Variants in SNTG1 observed in about 807,000 individuals in gnomAD.
SNTG1 encodes gamma-1-syntrophin.
In SNTG1, 39 loss-of-function variants were observed where a neutral mutation model predicts 74.7. The ratio of observed to expected loss-of-function variants is 0.52; its 90% CI spans 0.40 to 0.68. The LOEUF (loss-of-function observed/expected upper bound fraction) is 0.68, where lower values mean the gene tolerates loss of function less well. SNTG1 is among the 30% of genes least tolerant of loss of function. The pLI, the probability that SNTG1 is intolerant of heterozygous loss-of-function variation, is 0.00. For synonymous variants in SNTG1, 254 were observed against 217.1 expected (o/e 1.17, Z -1.49); for missense variants, 685 against 609.5 (o/e 1.12, Z -1.30).
chr8:50,696,881 G>A (rs961359075), intron 15 of SNTG1, among the ~76,000 whole-genome samples: 1 of 151,942 alleles, frequency 6.6e-6, no homozygotes, highest in African/African-American at 2.4e-5. Context: ...GTAATGTGAT[G>A]CCTCCAGCTT....
intron 3 of SNTG1, 35 bp from the exon 4 acceptor site, chr8:50,402,175 T>G (rs2092814058): frequency 6.3e-7 from 1 of 1,578,742 alleles, no homozygotes; most frequent in Non-Finnish European, 8.5e-7. Flanking sequence ...CTAAGTATAA[T>G]TTTTCCTCTG....
chr8:50,744,520 C>A (rs944344324), intron 17 of SNTG1, among the ~76,000 whole-genome samples: 1 of 151,862 alleles, frequency 6.6e-6, no homozygotes, highest in Admixed American at 6.6e-5. Flanking sequence ...ATCAAAATGT[C>A]ACTGATATTT....
intron 13 of SNTG1, among the ~76,000 whole-genome samples, chr8:50,635,542 G>T (rs1054404835): frequency 6.6e-6 from 1 of 152,132 alleles, no homozygotes; most frequent in Admixed American, 6.5e-5. Flanking sequence ...TTTTACACAG[G>T]CAGAAGAGTC....
At chr8:50,075,774 A>G (rs1193514615) in intron 1 of SNTG1, among the ~76,000 whole-genome samples, 3 of 152,118 alleles carry the variant, frequency 2.0e-5, no homozygotes, top group African/African-American at 7.2e-5. Context: ...CCCTGGGAGG[A>G]ATGAACAACT....
chr8:50,176,872 T>C (rs2083018501), intron 2 of SNTG1, among the ~76,000 whole-genome samples: 1 of 152,206 alleles, frequency 6.6e-6, no homozygotes, highest in African/African-American at 2.4e-5. Flanking sequence ...TGAAGGGACT[T>C]CTGGAAGTTC....
intron 12 of SNTG1, among the ~76,000 whole-genome samples, chr8:50,579,241 C>T (rs1461960221): frequency 1.3e-5 from 2 of 152,196 alleles, no homozygotes; most frequent in East Asian, 3.9e-4. Flanking sequence ...GCATTTTGCC[C>T]CTCCCCAGAG....
intron 2 of SNTG1, chr8:50,382,424 A>G (rs1260254389): frequency 6.6e-6 from 1 of 152,186 alleles, no homozygotes; most frequent in Non-Finnish European, 1.5e-5. Flanking sequence ...TACTAGAGTT[A>G]TTTGGATACA....
intron 1 of SNTG1, among the ~76,000 whole-genome samples, chr8:49,961,368 G>T (rs1019547670): frequency 3.3e-5 from 5 of 152,170 alleles, no homozygotes; most frequent in African/African-American, 4.8e-5. Context: ...CTGTGGATGA[G>T]AAACTTTTGA....
chr8:50,189,937 C>T (rs1003266912), intron 2 of SNTG1, among the ~76,000 whole-genome samples: 1 of 152,126 alleles, frequency 6.6e-6, no homozygotes, highest in Admixed American at 6.6e-5. Context: ...TAATTCTTCT[C>T]TAGAACACGT....
chr8:50,423,290 C>T, intron 4 of SNTG1, among the ~76,000 whole-genome samples: 1 of 152,090 alleles, frequency 6.6e-6, no homozygotes, highest in East Asian at 1.9e-4. Flanking sequence ...ATGTTTATAG[C>T]ATGTAAAACA....
Position 49,976,017 on chromosome 8 carries a change from A to T in SNTG1, c.-103+63786A>T, listed in dbSNP as rs968675531. On this transcript the variant is annotated intron_variant, in intron 1 of 18. Transcript: ENST00000642720. Reference sequence around the variant, plus strand: ...CCCTGAGTTAGTTATTCTTATTTTTATTTCAAAAACTGTGATAGAGAAAGA... The same window carrying T: ...CCCTGAGTTAGTTATTCTTATTTTTTTTTCAAAAACTGTGATAGAGAAAGA... Among the ~76,000 whole-genome samples, 12 of 152,080 alleles carry T rather than the reference A, an allele frequency of 7.9e-5. 1 individual carries two copies. The highest frequency in any genetic ancestry group is 2.7e-4 in the African/African-American group (11 of 41,478).
intron 5 of SNTG1, among the ~76,000 whole-genome samples, chr8:50,445,168 C>T (rs1048151360): frequency 4.6e-5 from 7 of 152,076 alleles, no homozygotes; most frequent in Non-Finnish European, 7.4e-5. Context: ...CAAAATCAAA[C>T]GAAGTATGTT....
chr8:50,717,919 C>T (rs756517555), intron 17 of SNTG1, among the ~76,000 whole-genome samples: 1 of 152,132 alleles, frequency 6.6e-6, no homozygotes, highest in South Asian at 2.1e-4. Flanking sequence ...CTCAAGATGT[C>T]GAAGGGGCAC....
intron 13 of SNTG1, among the ~76,000 whole-genome samples, chr8:50,641,477 C>T (rs535340396): frequency 6.6e-6 from 1 of 152,318 alleles, no homozygotes; most frequent in African/African-American, 2.4e-5. Context: ...TCTGTCCTTG[C>T]ATTTCTCTCC....
chr8:50,644,751 T>C (rs1229019409), intron 13 of SNTG1, among the ~76,000 whole-genome samples: 2 of 152,250 alleles, frequency 1.3e-5, no homozygotes, highest in Admixed American at 1.3e-4. Flanking sequence ...CCTCCCTTGA[T>C]TTAGAGACTT....
intron 13 of SNTG1, among the ~76,000 whole-genome samples, chr8:50,619,947 T>C (rs1231644060): frequency 6.6e-6 from 1 of 151,966 alleles, no homozygotes; most frequent in Admixed American, 6.6e-5. Context: ...TCTATTAGTT[T>C]TGCATTGCAG....
intron 15 of SNTG1, among the ~76,000 whole-genome samples, chr8:50,692,704 CA>C (rs2095386969): frequency 6.6e-6 from 1 of 152,180 alleles, no homozygotes; most frequent in African/African-American, 2.4e-5. Flanking sequence ...GTCAGGGACC[CA>C]CTTGAGGAGG....
intron 2 of SNTG1, among the ~76,000 whole-genome samples, chr8:50,296,918 T>C (rs560274664): frequency 2.6e-4 from 40 of 152,300 alleles, no homozygotes; most frequent in African/African-American, 9.6e-4. Flanking sequence ...ACTCCCTAAA[T>C]ATTTGTCCCA....
chr8:50,233,938 AT>A (rs1474734410), intron 2 of SNTG1, among the ~76,000 whole-genome samples: 2 of 151,846 alleles, frequency 1.3e-5, no homozygotes, highest in East Asian at 1.9e-4. Flanking sequence ...TCGCTCATAT[AT>A]TTTTGTAAGG....
Sources: allele counts gnomAD v4.1 joint callset (sites outside exome capture counted in the v4.1 genomes callset), GRCh38; gene constraint gnomAD v4.1.1; transcripts MANE v1.5; gene names NCBI Gene and HGNC (gene_info 2026-07-23, HGNC 2026-07-21).